Variants in RAB2A observed in about 807,000 individuals in gnomAD.
RAB2A encodes ras-related protein Rab-2A.
Under a neutral mutation model 32.5 loss-of-function variants are expected in RAB2A, and 7 were observed. The ratio of observed to expected loss-of-function variants is 0.22; its 90% CI spans 0.12 to 0.40. The LOEUF (loss-of-function observed/expected upper bound fraction) is 0.40, where lower values mean the gene tolerates loss of function less well. RAB2A is among the 10% of genes least tolerant of loss of function. The pLI is 1.00. For synonymous variants in RAB2A, 79 were observed against 85.2 expected (o/e 0.93, Z 0.40); for missense variants, 108 against 260.7 (o/e 0.41, Z 4.03).
At chr8:60,558,986 A>G (rs1007773531) in intron 2 of RAB2A, 63 bp downstream of exon 2, 24 of 1,222,208 alleles carry the variant, frequency 2.0e-5, no homozygotes, top group Non-Finnish European at 2.8e-5. Flanking sequence ...GGAAAATGCT[A>G]GAAGGTCCAT....
At chr8:60,576,085 G>A (rs1441000594) in intron 3 of RAB2A, 5 of 382,524 alleles carry the variant, frequency 1.3e-5, no homozygotes, top group African/African-American at 1.1e-4. Context: ...TTGGAGGCAT[G>A]AAGGCCATCA....
chr8:60,589,478 C>T (rs1803900659), intron 5 of RAB2A, among the ~76,000 whole-genome samples: 2 of 152,094 alleles, frequency 1.3e-5, no homozygotes, highest in South Asian at 4.1e-4. Context: ...AGGGCAGTGA[C>T]CTAGTCAGAG....
chr8:60,621,389 G>A lies in RAB2A; in HGVS notation c.*620G>A, dbSNP rs1181588113. ...TTAAACTTTTTGACATTGTTAACAA[G>A]CATGTTCATCTTTTCTTGTCACTAG... On this transcript the variant is annotated 3_prime_UTR_variant, in exon 8 of 8. Transcript: ENST00000262646. The A allele has an allele frequency of 6.6e-6, 1 of 152,152 alleles. No individual in the cohort carries two copies. The highest frequency in any genetic ancestry group is 6.5e-5 in the Admixed American group (1 of 15,280). 9.4% of individuals were successfully genotyped at this position (152,152 alleles called of 1,614,324 possible). A position where few individuals can be genotyped will look rare whatever the true frequency, so the allele number is the denominator to read the frequency against.
intron 6 of RAB2A, among the ~76,000 whole-genome samples, chr8:60,596,706 A>G (rs1304111084): frequency 1.3e-5 from 2 of 152,068 alleles, no homozygotes; most frequent in Non-Finnish European, 2.9e-5. Flanking sequence ...GCGGATCACA[A>G]GGTCAGGAGA....
At position 60,555,308 on chromosome 8, in the gene RAB2A, A is replaced by G. The variant is rs556927879; in HGVS notation, c.47-3544A>G. 7.9e-5 allele frequency among the ~76,000 whole-genome samples: 12 copies of G among 152,350 alleles called. No individual in the cohort carries two copies. In the East Asian group the frequency reaches 2.3e-3, roughly 29 times the overall value. ...AATGCTTCAGGACATTGGTCAAGGC[A>G]AAGATATTATGGATAAGTCTTCAAA... On this transcript the variant is annotated intron_variant, in intron 1 of 7. Coordinates refer to ENST00000262646, the MANE Select transcript of RAB2A (RefSeq NM_002865.3).
At chr8:60,532,656 G>A (rs566074175) in intron 1 of RAB2A, among the ~76,000 whole-genome samples, 1 of 152,196 alleles carries the variant, frequency 6.6e-6, no homozygotes, top group South Asian at 2.1e-4. Context: ...GACTACAAGT[G>A]CATGCCAGCA....
chr8:60,615,619 A>T (rs114404697), intron 6 of RAB2A, among the ~76,000 whole-genome samples: 129 of 152,238 alleles, frequency 8.5e-4, no homozygotes, highest in African/African-American at 2.9e-3. Context: ...TCTTAAGTGG[A>T]GGAGATTTTA....
At chr8:60,581,161 T>A (rs1354933813) in intron 3 of RAB2A, among the ~76,000 whole-genome samples, 1 of 152,216 alleles carries the variant, frequency 6.6e-6, no homozygotes, top group East Asian at 1.9e-4. Context: ...ATCCCTAATT[T>A]GAAAATCCCA....
At chr8:60,545,655 C>T (rs1563464691) in intron 1 of RAB2A, among the ~76,000 whole-genome samples, 1 of 152,158 alleles carries the variant, frequency 6.6e-6, no homozygotes, top group Non-Finnish European at 1.5e-5. Context: ...TCAGCTCTCA[C>T]AATGGTGTCC....
chr8:60,564,394 T>TG (rs1808073197), intron 2 of RAB2A, among the ~76,000 whole-genome samples: 1 of 152,338 alleles, frequency 6.6e-6, no homozygotes, highest in African/African-American at 2.4e-5. Context: ...TTTTTCCTTT[T>TG]TTGATGGTTA....
At chr8:60,568,649 G>T (rs1808151547) in intron 2 of RAB2A, among the ~76,000 whole-genome samples, 1 of 152,192 alleles carries the variant, frequency 6.6e-6, no homozygotes, top group Non-Finnish European at 1.5e-5. Flanking sequence ...ATGCAAGGAT[G>T]ATAACGATTG....
chr8:60,543,483 G>C (rs1348504175), intron 1 of RAB2A, among the ~76,000 whole-genome samples: 1 of 145,130 alleles, frequency 6.9e-6, no homozygotes, highest in Non-Finnish European at 1.5e-5. Context: ...GTCTCCTTCT[G>C]CCTTTCTCCT....
rs563714757 is a variant in RAB2A at position 60,556,970 on chromosome 8, G to A, written c.47-1882G>A. Among the ~76,000 whole-genome samples, 30 of 152,250 alleles carry A rather than the reference G, an allele frequency of 2.0e-4. 1 individual carries two copies. The South Asian group carries it at 6.2e-3, about 32-fold the overall frequency. ...TTTTGAACTTTCACACCTTTTAAAAGATCATTTTTCTTTCATGCTAGGTTT... is the reference window on the plus strand; with the variant it reads ...TTTTGAACTTTCACACCTTTTAAAAAATCATTTTTCTTTCATGCTAGGTTT... On this transcript the variant is annotated intron_variant, in intron 1 of 7. Coordinates refer to ENST00000262646, the MANE Select transcript of RAB2A (RefSeq NM_002865.3).
At chr8:60,529,205 T>A (rs1480512673) in intron 1 of RAB2A, among the ~76,000 whole-genome samples, 1 of 152,238 alleles carries the variant, frequency 6.6e-6, no homozygotes, top group African/African-American at 2.4e-5. Context: ...TGTGTGAGAC[T>A]AATTTTGTAG....
At chr8:60,617,124 T>G (rs1284202054) in intron 6 of RAB2A, among the ~76,000 whole-genome samples, 1 of 152,194 alleles carries the variant, frequency 6.6e-6, no homozygotes, top group Non-Finnish European at 1.5e-5. Flanking sequence ...CTGTCAAATC[T>G]GATAGTTTAG....
At chr8:60,556,640 A>AT (rs201745361) in intron 1 of RAB2A, among the ~76,000 whole-genome samples, 5,036 of 107,230 alleles carry the variant, frequency 0.047, 126 homozygotes, top group South Asian at 0.076. Flanking sequence ...CCTCTTTTTA[A>AT]TAAAAAAAAA....
chr8:60,552,138 G>A (rs1330717147), intron 1 of RAB2A, among the ~76,000 whole-genome samples: 1 of 151,806 alleles, frequency 6.6e-6, no homozygotes, highest in Non-Finnish European at 1.5e-5. Flanking sequence ...TAGTAACTGG[G>A]ATTACAGGTG....
intron 3 of RAB2A, among the ~76,000 whole-genome samples, chr8:60,577,792 A>ATTT (rs3055112): frequency 0.09 from 10,144 of 112,420 alleles, 472 homozygotes; most frequent in East Asian, 0.21. Context: ...CGCCCGGCTA[A>ATTT]TTTTTTTTTT....
chr8:60,526,020 C>T (rs867179184), intron 1 of RAB2A, among the ~76,000 whole-genome samples: 15,044 of 91,692 alleles, frequency 0.16, 1,460 homozygotes, highest in Middle Eastern at 0.26. Flanking sequence ...TGTGTGTGTA[C>T]ATATATATAT....
Sources: allele counts gnomAD v4.1 joint callset (sites outside exome capture counted in the v4.1 genomes callset), GRCh38; gene constraint gnomAD v4.1.1; transcripts MANE v1.5; gene names NCBI Gene and HGNC (gene_info 2026-07-23, HGNC 2026-07-21).